LRIG1: variants seen among roughly 807,000 people sequenced by gnomAD.
The protein encoded by LRIG1 is leucine-rich repeats and immunoglobulin-like domains protein 1.
LRIG1 carries 48 observed loss-of-function variants against 99.2 expected under a neutral mutation model. The observed-to-expected ratio is 0.48, with a 90% CI of 0.38 to 0.62. The LOEUF (loss-of-function observed/expected upper bound fraction) is 0.62, where lower values mean the gene tolerates loss of function less well. Ranked by LOEUF, LRIG1 falls within the 20% of genes least tolerant of loss-of-function variation. The probability of loss-of-function intolerance (pLI) is 0.00; values close to 1 mark genes in which losing one functional copy is unlikely to be tolerated. For synonymous variants in LRIG1, 772 were observed against 596.1 expected, an observed-to-expected ratio of 1.29 and a Z score of -4.30; for missense variants, 1,646 against 1,434.4, an observed-to-expected ratio of 1.15 and a Z score of -2.38.
intron 7 of LRIG1, 128 bp from the exon 8 acceptor site, chr3:66,407,619 G>A (rs2106655864): frequency 3.1e-6 from 3 of 957,364 alleles, no homozygotes; most frequent in East Asian, 2.6e-5. Context: ...GCACGCGCGT[G>A]CGTGCACACA....
At chr3:66,439,850 C>T (rs1160106817) in intron 3 of LRIG1, among the ~76,000 whole-genome samples, 1 of 152,172 alleles carries the variant, frequency 6.6e-6, no homozygotes, top group African/African-American at 2.4e-5. Flanking sequence ...CCGCGCACCA[C>T]CAAAGCAACT....
intron 1 of LRIG1, among the ~76,000 whole-genome samples, chr3:66,479,107 T>C (rs1317794447): frequency 6.6e-6 from 1 of 152,196 alleles, no homozygotes. Flanking sequence ...CTCCCTATTG[T>C]AAACCTGTCC....
chr3:66,402,759 C>T (rs1459593135), intron 9 of LRIG1, among the ~76,000 whole-genome samples: 1 of 152,210 alleles, frequency 6.6e-6, no homozygotes, highest in Non-Finnish European at 1.5e-5. Flanking sequence ...CTAACACGCA[C>T]CCCACTTCTC....
chr3:66,380,830 G>T lies in LRIG1; in HGVS notation c.2802C>A (p.Cys934Ter). 2 of 1,614,218 alleles carry T rather than the reference G, an allele frequency of 1.2e-6. No homozygotes were observed. Among genetic ancestry groups the T allele is most frequent in the Non-Finnish European group, 1.7e-6 (2 of 1,180,046 alleles). Reference sequence around the variant, plus strand: ...TGGAGTAACAGTCCACTTCGGTGTTGCAGTCACTGCATACGACCCGGCCAC... The same window carrying T: ...TGGAGTAACAGTCCACTTCGGTGTTTCAGTCACTGCATACGACCCGGCCAC... ...EHGGRVVCSD[C>*]NTEVDCYSRG... The change falls in exon 18 of 19, where the codon TGC becomes TGA. Residue 934 changes from cysteine to a stop codon, truncating the protein, a stop_gained. Coordinates refer to ENST00000273261, the MANE Select transcript of LRIG1 (RefSeq NM_015541.3). LOFTEE classifies it high-confidence loss of function.
chr3:66,482,070 C>T lies in LRIG1; in HGVS notation c.218+18120G>A, dbSNP rs1313152210. Among the ~76,000 whole-genome samples the T allele has an allele frequency of 3.3e-5, 5 of 152,364 alleles. No homozygotes were observed. In the East Asian group the frequency reaches 9.7e-4, roughly 29 times the overall value. ...ATTCCTACCAGCTGTAGGTACCAGG[C>T]ACCCTGGCCACAGACCGGGCAGCCT... On this transcript the variant is annotated intron_variant, in intron 1 of 18. Transcript: ENST00000273261.
At chr3:66,495,883 T>C (rs1223252368) in intron 1 of LRIG1, among the ~76,000 whole-genome samples, 8 of 152,204 alleles carry the variant, frequency 5.3e-5, no homozygotes. Flanking sequence ...GAGAGGCCCT[T>C]TCATTGTGAT....
At chr3:66,431,547 T>C (rs1703172839) in intron 3 of LRIG1, among the ~76,000 whole-genome samples, 4 of 152,172 alleles carry the variant, frequency 2.6e-5, no homozygotes, top group African/African-American at 9.7e-5. Flanking sequence ...ATGGAGATAC[T>C]GCACTTCACA....
At chr3:66,426,991 C>T (rs1167052331) in intron 3 of LRIG1, among the ~76,000 whole-genome samples, 2 of 152,178 alleles carry the variant, frequency 1.3e-5, no homozygotes, top group African/African-American at 2.4e-5. Context: ...AATGAATAAG[C>T]GAAATCCACA....
chr3:66,419,380 AG>A lies in LRIG1; in HGVS notation c.366-2115del, dbSNP rs755692097. ...CTCTGCATAAAGGACCCTGTGCAGA[AG>A]ACAAGTCTCTTTCACCCGCTGGGAA... On this transcript the variant is annotated intron_variant, in intron 3 of 18. Transcript: ENST00000273261. Among the ~76,000 whole-genome samples the A allele has an allele frequency of 1.1e-3, 167 of 152,340 alleles. 2 individuals carry two copies. Among genetic ancestry groups the A allele is most frequent in the Admixed American group, 2.7e-3 (42 of 15,308 alleles).
Position 66,491,776 on chromosome 3 carries a change from G to C in LRIG1, c.218+8414C>G, listed in dbSNP as rs548895629. Among the ~76,000 whole-genome samples the C allele has an allele frequency of 1.1e-4, 17 of 152,218 alleles. No individual in the cohort carries two copies. In the South Asian group the frequency reaches 1.9e-3, roughly 17 times the overall value. On this transcript the variant is annotated intron_variant, in intron 1 of 18. Coordinates refer to ENST00000273261, the MANE Select transcript of LRIG1 (RefSeq NM_015541.3). Reference sequence around the variant, plus strand: ...ACATGGAAGGGCAGCAGCATATTGGGAAATAGATCAAATAAGACAGCTGAT... The same window carrying C: ...ACATGGAAGGGCAGCAGCATATTGGCAAATAGATCAAATAAGACAGCTGAT...
At chr3:66,495,627 T>G (rs1288868169) in intron 1 of LRIG1, among the ~76,000 whole-genome samples, 1 of 152,268 alleles carries the variant, frequency 6.6e-6, no homozygotes, top group Non-Finnish European at 1.5e-5. Flanking sequence ...TTCAATTCAA[T>G]GAATCCCTCT....
Position 66,477,134 on chromosome 3 carries a change from G to C in LRIG1, c.219-14625C>G, listed in dbSNP as rs1700741194. Among the ~76,000 whole-genome samples the C allele has an allele frequency of 1.3e-5, 2 of 152,156 alleles. 1 individual carries two copies. The highest frequency in any genetic ancestry group is 4.1e-4 in the South Asian group (2 of 4,830). ...CAGCCAGTATTTCCTCACACACGCT[G>C]AAGTTAATAATTCACAAACCAACTA... On this transcript the variant is annotated intron_variant, in intron 1 of 18. Transcript: ENST00000273261.
intron 1 of LRIG1, among the ~76,000 whole-genome samples, chr3:66,499,967 C>T (rs926786171): frequency 6.6e-6 from 1 of 151,858 alleles, no homozygotes; most frequent in Non-Finnish European, 1.5e-5. Context: ...CCACGAGGCA[C>T]GCTCTTCTTC....
chr3:66,378,920 A>G lies in LRIG1; in HGVS notation c.*1343T>C, dbSNP rs1700857788. ...TCTATAAATAAATAACTTTGTACAT[A>G]AAAGTAATACTCCCTCTTTCACATT... On this transcript the variant is annotated 3_prime_UTR_variant, in exon 19 of 19. Coordinates refer to ENST00000273261, the MANE Select transcript of LRIG1 (RefSeq NM_015541.3). 6.5e-6 allele frequency: 1 copy of G among 152,674 alleles called. No individual in the cohort carries two copies. The highest frequency in any genetic ancestry group is 1.5e-5 in the Non-Finnish European group (1 of 68,052). The allele number at this position is 152,674 out of a possible 1,614,324, so 9.5% of individuals were successfully genotyped here. A position where few individuals can be genotyped will look rare whatever the true frequency, so the allele number is the denominator to read the frequency against.
At chr3:66,392,895 G>A (rs776964838) in intron 12 of LRIG1, among the ~76,000 whole-genome samples, 22 of 152,216 alleles carry the variant, frequency 1.4e-4, no homozygotes, top group Non-Finnish European at 2.5e-4. Context: ...GGAGCTGTGC[G>A]AGCATTAGAT....
At chr3:66,443,014 G>A (rs1294898706) in intron 3 of LRIG1, among the ~76,000 whole-genome samples, 4 of 152,176 alleles carry the variant, frequency 2.6e-5, no homozygotes, top group Non-Finnish European at 4.4e-5. Context: ...GACAAGTCAT[G>A]ACTGTGTAAT....
chr3:66,382,879 A>C, intron 15 of LRIG1, 103 bp downstream of exon 15: 1 of 1,063,074 alleles, frequency 9.4e-7, no homozygotes, highest in Non-Finnish European at 1.3e-6. Flanking sequence ...GGAGTTCTGA[A>C]CACAGTGCAA....
chr3:66,467,160 G>A (rs1368901234), intron 1 of LRIG1, among the ~76,000 whole-genome samples: 1 of 152,154 alleles, frequency 6.6e-6, no homozygotes, highest in Non-Finnish European at 1.5e-5. Context: ...TTTGCTCGCT[G>A]AGCACGTTTC....
intron 3 of LRIG1, among the ~76,000 whole-genome samples, chr3:66,419,521 G>A (rs891376331): frequency 6.6e-6 from 1 of 152,118 alleles, no homozygotes; most frequent in Non-Finnish European, 1.5e-5. Context: ...AAGGTGCCAG[G>A]GCGAATGTCT....
Sources: allele counts gnomAD v4.1 joint callset (sites outside exome capture counted in the v4.1 genomes callset), GRCh38; gene constraint gnomAD v4.1.1; transcripts MANE v1.5; gene names NCBI Gene and HGNC (gene_info 2026-07-23, HGNC 2026-07-21).